PPP2R2C: variants seen among roughly 807,000 people sequenced by gnomAD.
PPP2R2C encodes protein phosphatase 2 regulatory subunit Bgamma.
A neutral mutation model predicts 45.3 loss-of-function variants in PPP2R2C; 10 were observed. That is an observed-to-expected ratio of 0.22 (90% CI 0.14 to 0.37). PPP2R2C has a LOEUF of 0.37. PPP2R2C is among the 10% of genes least tolerant of loss of function. The pLI is 1.00. For synonymous variants in PPP2R2C, 257 were observed against 245.4 expected (o/e 1.05, Z -0.44); for missense variants, 308 against 619.7 (o/e 0.50, Z 5.34).
intron 1 of PPP2R2C, among the ~76,000 whole-genome samples, chr4:6,562,700 G>A (rs563676917): frequency 1.3e-5 from 2 of 152,210 alleles, no homozygotes; most frequent in East Asian, 3.9e-4. Flanking sequence ...GCTAAGCAAC[G>A]TCATCCCCAT....
At chr4:6,381,897 C>A in intron 1 of PPP2R2C, 2 of 1,597,660 alleles carry the variant, frequency 1.3e-6, no homozygotes, top group Non-Finnish European at 8.5e-7. Flanking sequence ...CCCCTTCCAT[C>A]ACCAACATTC....
intron 1 of PPP2R2C, among the ~76,000 whole-genome samples, chr4:6,539,930 G>A (rs943239287): frequency 3.9e-5 from 6 of 152,232 alleles, no homozygotes; most frequent in East Asian, 3.9e-4. Context: ...ACTAGAGAAG[G>A]CAGAAACTGG....
At chr4:6,548,082 G>A (rs1328963015) in intron 1 of PPP2R2C, among the ~76,000 whole-genome samples, 1 of 152,120 alleles carries the variant, frequency 6.6e-6, no homozygotes, top group Non-Finnish European at 1.5e-5. Flanking sequence ...ACCAGGCATG[G>A]TGGTGGGCAC....
intron 6 of PPP2R2C, 45 bp downstream of exon 6, chr4:6,347,801 G>GC: frequency 1.4e-6 from 1 of 696,922 alleles, no homozygotes; most frequent in Non-Finnish European, 2.0e-6. Flanking sequence ...CCACCCGCCC[G>GC]CCTGCCCAAT....
In PPP2R2C at chr4:6,422,603, C is replaced by G. The variant is rs553996645; in HGVS notation, c.71-41509G>C. Among the ~76,000 whole-genome samples the G allele has an allele frequency of 6.6e-5, 10 of 152,312 alleles. No individual in the cohort carries two copies. In the South Asian group the frequency reaches 1.9e-3, roughly 28 times the overall value. ...AGCAGGATGGTTTCTTCTGAAGCCTCTCTCCTGGCTTGCAGATGGCTGTCT... is the reference window on the plus strand; with the variant it reads ...AGCAGGATGGTTTCTTCTGAAGCCTGTCTCCTGGCTTGCAGATGGCTGTCT... On this transcript the variant is annotated intron_variant, in intron 1 of 8. Coordinates refer to ENST00000382599, the MANE Select transcript of PPP2R2C (RefSeq NM_020416.4).
chr4:6,530,428 A>AT (rs1202973693), intron 2 of PPP2R2C, among the ~76,000 whole-genome samples: 1 of 152,146 alleles, frequency 6.6e-6, no homozygotes, highest in Non-Finnish European at 1.5e-5. Context: ...AAACCCTGGG[A>AT]TCCCCTCTGC....
At chr4:6,536,641 A>G (rs560396648) in intron 1 of PPP2R2C, among the ~76,000 whole-genome samples, 3 of 152,348 alleles carry the variant, frequency 2.0e-5, no homozygotes, top group African/African-American at 7.2e-5. Flanking sequence ...GGGTGGGTGC[A>G]GTGGAGAAGG....
Position 6,331,230 on chromosome 4 carries a change from A to C in PPP2R2C, c.961-1877T>G, listed in dbSNP as rs889410523. 5.3e-5 allele frequency among the ~76,000 whole-genome samples: 8 copies of C among 152,122 alleles called. No individual in the cohort carries two copies. The highest frequency in any genetic ancestry group is 1.2e-4 in the Non-Finnish European group (8 of 68,034). ...GTGCACTAAGCATCTCCTGCCCTCT[A>C]GTGGCAGGGTGAGGAAGAGCTCTGG... is the stretch of plus-strand genomic sequence containing the variant. On this transcript the variant is annotated intron_variant, in intron 7 of 8. Coordinates refer to ENST00000382599, the MANE Select transcript of PPP2R2C (RefSeq NM_020416.4). The surrounding 1 kb of genome is among the most constrained non-coding windows in gnomAD (Gnocchi z 5.9).
At chr4:6,506,416 G>A (rs1228154546) in intron 2 of PPP2R2C, among the ~76,000 whole-genome samples, 1 of 152,132 alleles carries the variant, frequency 6.6e-6, no homozygotes, top group African/African-American at 2.4e-5. Context: ...CAAACGTCAC[G>A]TGGAACACAG....
chr4:6,378,715 C>T lies in PPP2R2C; in HGVS notation c.169-143G>A, dbSNP rs1715546927. The T allele has an allele frequency of 1.1e-6, 1 of 907,604 alleles. No individual in the cohort carries two copies. The highest frequency in any genetic ancestry group is 2.4e-5 in the East Asian group (1 of 40,926). 56.2% of individuals were successfully genotyped at this position (907,604 alleles called of 1,614,324 possible). On this transcript the variant is annotated intron_variant, in intron 2 of 8. Coordinates refer to ENST00000382599, the MANE Select transcript of PPP2R2C (RefSeq NM_020416.4). The surrounding 1 kb of genome is among the most constrained non-coding windows in gnomAD (Gnocchi z 5.2). ...CAATTCGAGGGTCAAATGAAACTCTCTGCAGCTTAACCGGCCCATGACTTG... is the reference window on the plus strand; with the variant it reads ...CAATTCGAGGGTCAAATGAAACTCTTTGCAGCTTAACCGGCCCATGACTTG...
chr4:6,557,127 C>A (rs920019171), intron 1 of PPP2R2C, among the ~76,000 whole-genome samples: 3 of 152,204 alleles, frequency 2.0e-5, no homozygotes, highest in African/African-American at 7.2e-5. Context: ...TTTTTAACTA[C>A]ACTGTACTTG....
intron 1 of PPP2R2C, among the ~76,000 whole-genome samples, chr4:6,552,319 C>T (rs1207055526): frequency 1.3e-5 from 2 of 152,174 alleles, no homozygotes. Context: ...AAATCAGCCT[C>T]ACTGGGCTAA....
At chr4:6,337,156 A>ATATG (rs1733040854) in intron 6 of PPP2R2C, among the ~76,000 whole-genome samples, 1 of 95,980 alleles carries the variant, frequency 1.0e-5, no homozygotes. Context: ...ATATATATAT[A>ATATG]TATATTTGTA....
At chr4:6,370,500 C>T (rs1030540042) in intron 5 of PPP2R2C, among the ~76,000 whole-genome samples, 4 of 152,130 alleles carry the variant, frequency 2.6e-5, no homozygotes, top group East Asian at 1.9e-4. Flanking sequence ...TACAGGAGTC[C>T]GGCCTGGCCA....
intron 8 of PPP2R2C, among the ~76,000 whole-genome samples, chr4:6,325,721 G>C (rs1320290253): frequency 6.6e-6 from 1 of 152,138 alleles, no homozygotes; most frequent in Non-Finnish European, 1.5e-5. Flanking sequence ...CACCATGAGA[G>C]CCATTCCTCA....
At chr4:6,375,121 G>A (rs1372286172) in intron 4 of PPP2R2C, among the ~76,000 whole-genome samples, 1 of 152,146 alleles carries the variant, frequency 6.6e-6, no homozygotes, top group African/African-American at 2.4e-5. Flanking sequence ...ACTTTCTTGG[G>A]ACGGGGGGTG....
rs368781432 is a variant in PPP2R2C, at chr4:6,414,296, C to T, written c.71-33202G>A. 9.2e-5 allele frequency among the ~76,000 whole-genome samples: 14 copies of T among 152,184 alleles called. No individual in the cohort carries two copies. In the East Asian group the frequency reaches 2.3e-3, roughly 25 times the overall value. Reference sequence around the variant, plus strand: ...CACCCTGCATTACTTCCTACATGTACGAAAGGAACCAGTTCCACTGACCTG... The same window carrying T: ...CACCCTGCATTACTTCCTACATGTATGAAAGGAACCAGTTCCACTGACCTG... On this transcript the variant is annotated intron_variant, in intron 1 of 8. Coordinates refer to ENST00000382599, the MANE Select transcript of PPP2R2C (RefSeq NM_020416.4).
intron 2 of PPP2R2C, among the ~76,000 whole-genome samples, chr4:6,527,752 G>A (rs1724265213): frequency 6.6e-6 from 1 of 152,122 alleles, no homozygotes; most frequent in Non-Finnish European, 1.5e-5. Flanking sequence ...GAACAGAGAT[G>A]TTGGCCCCCT....
intron 1 of PPP2R2C, among the ~76,000 whole-genome samples, chr4:6,539,800 T>C (rs1422251680): frequency 1.3e-5 from 2 of 152,182 alleles, no homozygotes; most frequent in African/African-American, 4.8e-5. Flanking sequence ...TTGCGGGCGA[T>C]ACAGGAGTCT....
Sources: gnomAD v4.1 joint callset for allele counts (sites outside exome capture counted in the v4.1 genomes callset) on GRCh38, gnomAD v4.1.1 for gene constraint, Gnocchi (gnomAD v3.1) non-coding constraint, MANE v1.5 for transcripts, NCBI Gene and HGNC (gene_info 2026-07-23, HGNC 2026-07-21) for gene names.